SGTA: variants seen among roughly 807,000 people sequenced by gnomAD.
SGTA encodes small glutamine-rich tetratricopeptide repeat-containing protein alpha.
Under a neutral mutation model 44.3 loss-of-function variants are expected in SGTA, and 22 were observed. The ratio of observed to expected loss-of-function variants is 0.50; its 90% CI spans 0.36 to 0.71. The LOEUF (loss-of-function observed/expected upper bound fraction) is 0.71. SGTA is among the 30% of genes least tolerant of loss of function. SGTA has a pLI of 0.00. For synonymous variants in SGTA, 174 were observed against 177.6 expected, an observed-to-expected ratio of 0.98 and a Z score of 0.16; for missense variants, 341 against 435.9, an observed-to-expected ratio of 0.78 and a Z score of 1.94.
chr19:2,755,350 T>G lies in SGTA; in HGVS notation c.*590A>C. The G allele has an allele frequency of 1.0e-6, 1 of 968,800 alleles. No homozygotes were observed. The highest frequency in any genetic ancestry group is 1.2e-6 in the Non-Finnish European group (1 of 812,892). The allele number at this position is 968,800 out of a possible 1,614,324, so 60.0% of individuals were successfully genotyped here. On this transcript the variant is annotated 3_prime_UTR_variant, in exon 12 of 12. Transcript: ENST00000221566. This position sits in a 1 kb window ranked among gnomAD's most constrained non-coding sequence, Gnocchi z 5.2. ...GGACGGCTCCTGAGCCGCGGAGGCG[T>G]GGGGTGACCGCAGCCGTCTCTTAGG...
Position 2,761,411 on chromosome 19 carries a change from T to C in SGTA, c.699+49A>G. ...GTAGCGGACACAGCAGATGCGGGCC[T>C]GGGGGGTGGCGCAGACACCATGGAC... On this transcript the variant is annotated intron_variant, in intron 8 of 11. Transcript: ENST00000221566. The surrounding 1 kb of genome is among the most constrained non-coding windows in gnomAD (Gnocchi z 5.7). The C allele has an allele frequency of 2.0e-6, 3 of 1,481,836 alleles. No homozygotes were observed. Among genetic ancestry groups the C allele is most frequent in the Non-Finnish European group, 2.8e-6 (3 of 1,085,074 alleles). 91.8% of individuals were successfully genotyped at this position (1,481,836 alleles called of 1,614,324 possible).
At chr19:2,760,296 ATCACAAGG>A (rs1187010780) in intron 8 of SGTA, among the ~76,000 whole-genome samples, 5 of 151,880 alleles carry the variant, frequency 3.3e-5, no homozygotes, top group African/African-American at 9.7e-5. Context: ...AGGCGGGTGG[ATCACAAGG>A]TCAGGAGTTC....
intron 1 of SGTA, among the ~76,000 whole-genome samples, chr19:2,771,398 T>TG (rs1396301496): frequency 1.3e-5 from 2 of 151,864 alleles, no homozygotes; most frequent in Non-Finnish European, 2.9e-5. Context: ...CACTCCAGCC[T>TG]GGCAACAGAG....
chr19:2,769,098 G>GTTTTTCC lies in SGTA; in HGVS notation c.-23-8_-23-7insGGAAAAA. 2 of 1,591,140 alleles carry GTTTTTCC rather than the reference G, an allele frequency of 1.3e-6. No individual in the cohort carries two copies. The highest frequency in any genetic ancestry group is 1.7e-6 in the Non-Finnish European group (2 of 1,159,866). On this transcript the variant is annotated splice_polypyrimidine_tract_variant and splice_region_variant and intron_variant, in intron 1 of 11. Coordinates refer to ENST00000221566, the MANE Select transcript of SGTA (RefSeq NM_003021.4). ...AGCCCAGAAGAGGTGATACCTGGGGGTGCAGGAAAAACCCCCATCAGGCCC... is the reference window on the plus strand; with the variant it reads ...AGCCCAGAAGAGGTGATACCTGGGGGTTTTTCCTGCAGGAAAAACCCCCATCAGGCCC...
intron 1 of SGTA, among the ~76,000 whole-genome samples, chr19:2,779,464 G>A (rs1487192218): frequency 1.3e-5 from 2 of 152,212 alleles, no homozygotes; most frequent in African/African-American, 4.8e-5. Flanking sequence ...CAAGCATGAG[G>A]ACGGCATTTT....
intron 1 of SGTA, chr19:2,770,525 G>T: frequency 6.5e-6 from 1 of 152,906 alleles, no homozygotes; most frequent in South Asian, 1.9e-4. Flanking sequence ...TGGCGATGGT[G>T]ACTCTAAACA....
Position 2,761,436 on chromosome 19 carries a change from C to A in SGTA, c.699+24G>T, listed in dbSNP as rs767693690. 164 of 1,548,412 alleles carry A rather than the reference C, an allele frequency of 1.1e-4. No homozygotes were observed. Among genetic ancestry groups the A allele is most frequent in the Non-Finnish European group, 1.3e-4 (144 of 1,144,472 alleles). On this transcript the variant is annotated intron_variant, in intron 8 of 11. Transcript: ENST00000221566. The surrounding 1 kb of genome is among the most constrained non-coding windows in gnomAD (Gnocchi z 5.7). Reference sequence around the variant, plus strand: ...TGGGGGGTGGCGCAGACACCATGGACAGGGAGGAGGGGCGGGCCGTTACCA... The same window carrying A: ...TGGGGGGTGGCGCAGACACCATGGAAAGGGAGGAGGGGCGGGCCGTTACCA...
rs1324976195 is a variant in SGTA at position 2,765,603 on chromosome 19, C to T, written c.293-318G>A. The stretch of plus-strand genomic sequence containing the variant: ...GACCCCGGGAGCAGAACAGTTAATA[C>T]AGCTCACCGGCCCGGGGACGGAAAC... On this transcript the variant is annotated intron_variant, in intron 4 of 11. Transcript: ENST00000221566. The surrounding 1 kb of genome is among the most constrained non-coding windows in gnomAD (Gnocchi z 5.5). Among the ~76,000 whole-genome samples, 1 of 151,936 alleles carries T rather than the reference C, an allele frequency of 6.6e-6. No homozygotes were observed. The highest frequency in any genetic ancestry group is 1.5e-5 in the Non-Finnish European group (1 of 67,954).
Position 2,757,468 on chromosome 19 carries a change from G to T in SGTA, c.828-11C>A, listed in dbSNP as rs774321428. The stretch of plus-strand genomic sequence containing the variant: ...GCAAACTGCTGGCCCCTGCGGGGAA[G>T]GGCACATGGGGCTCAGCCAGGGCCA... On this transcript the variant is annotated splice_polypyrimidine_tract_variant and intron_variant, in intron 10 of 11. Transcript: ENST00000221566. 2 of 1,605,492 alleles carry T rather than the reference G, an allele frequency of 1.2e-6. No individual in the cohort carries two copies. Among genetic ancestry groups the T allele is most frequent in the South Asian group, 2.2e-5 (2 of 90,964 alleles).
In SGTA at chr19:2,763,774, A is replaced by G; in HGVS notation, c.393-17T>C. 6.2e-7 allele frequency: 1 copy of G among 1,608,830 alleles called. No individual in the cohort carries two copies. ...GCTGCGGCTCTGGGGAAGAAAAGGC[A>G]GGGCAGGTCCCTCACTGGCGGCTCT... On this transcript the variant is annotated splice_polypyrimidine_tract_variant and intron_variant, in intron 5 of 11. Coordinates refer to ENST00000221566, the MANE Select transcript of SGTA (RefSeq NM_003021.4). This position sits in a 1 kb window ranked among gnomAD's most constrained non-coding sequence, Gnocchi z 5.8.
At chr19:2,768,862 C>T in intron 2 of SGTA, 107 bp downstream of exon 2, 1 of 831,792 alleles carries the variant, frequency 1.2e-6, no homozygotes. Context: ...GCTTCCACCC[C>T]CAAAAAGCCA....
At chr19:2,758,519 A>AAC (rs1013290877) in intron 9 of SGTA, among the ~76,000 whole-genome samples, 1 of 151,258 alleles carries the variant, frequency 6.6e-6, no homozygotes, top group African/African-American at 2.4e-5. Context: ...TCTGTCTCAA[A>AAC]AAAAAAAAAA....
intron 1 of SGTA, among the ~76,000 whole-genome samples, chr19:2,780,226 T>C (rs1255809232): frequency 6.6e-6 from 1 of 152,072 alleles, no homozygotes; most frequent in Non-Finnish European, 1.5e-5. Context: ...AAGGGCCCGC[T>C]CTTACCCACT....
chr19:2,779,236 G>A (rs1165444980), intron 1 of SGTA, among the ~76,000 whole-genome samples: 2 of 152,130 alleles, frequency 1.3e-5, no homozygotes, highest in Non-Finnish European at 2.9e-5. Context: ...CTGCTTGTAG[G>A]CTATTCTGGG....
At chr19:2,758,269 CT>C (rs2144718903) in intron 9 of SGTA, among the ~76,000 whole-genome samples, 1 of 152,344 alleles carries the variant, frequency 6.6e-6, no homozygotes, top group East Asian at 1.9e-4. Flanking sequence ...TGGCTCACAC[CT>C]GTCATCCCTG....
At position 2,769,059 on chromosome 19, in the gene SGTA, T is replaced by A; in HGVS notation, c.10A>T (p.Lys4Ter). 1 of 1,613,720 alleles carries A rather than the reference T, an allele frequency of 6.2e-7. No individual in the cohort carries two copies. The highest frequency in any genetic ancestry group is 8.5e-7 in the Non-Finnish European group (1 of 1,179,804). The part of the protein sequence containing the change: MDN[K>*]KRLAYAIIQF... The stretch of plus-strand genomic sequence containing the variant: ...ATGATGGCGTAGGCCAGGCGCTTCT[T>A]GTTGTCCATCTTGAGCCCAGAAGAG... Residue 4 changes from lysine to a stop codon, truncating the protein, a stop_gained, in exon 2 of 12, where the codon AAG becomes TAG. Transcript: ENST00000221566. LOFTEE classifies it high-confidence loss of function.
chr19:2,762,657 A>G lies in SGTA; in HGVS notation c.498-13T>C, dbSNP rs1175703743. 1.2e-6 allele frequency: 2 copies of G among 1,613,404 alleles called. No homozygotes were observed. The highest frequency in any genetic ancestry group is 1.7e-6 in the Non-Finnish European group (2 of 1,179,882). On this transcript the variant is annotated splice_polypyrimidine_tract_variant and intron_variant, in intron 6 of 11. Coordinates refer to ENST00000221566, the MANE Select transcript of SGTA (RefSeq NM_003021.4). ...GGAGAGCGCCAGGCTGGAGGAGAGC[A>G]CCGGGGATGGACTGTTCCCATCTGC... is the stretch of plus-strand genomic sequence containing the variant.
intron 1 of SGTA, among the ~76,000 whole-genome samples, chr19:2,782,876 G>A (rs1195467274): frequency 1.3e-5 from 2 of 152,134 alleles, no homozygotes; most frequent in East Asian, 3.9e-4. Context: ...CCCACAAACG[G>A]GGGTCCCTGA....
chr19:2,766,149 G>A (rs112630221), intron 4 of SGTA, among the ~76,000 whole-genome samples: 3,073 of 152,252 alleles, frequency 0.02, 111 homozygotes, highest in African/African-American at 0.071. Flanking sequence ...CAGGGAGTCA[G>A]AGGTTGCAGT....
Sources: allele counts gnomAD v4.1 joint callset (sites outside exome capture counted in the v4.1 genomes callset), GRCh38; gene constraint gnomAD v4.1.1; non-coding constraint Gnocchi (gnomAD v3.1); transcripts MANE v1.5; gene names NCBI Gene and HGNC (gene_info 2026-07-23, HGNC 2026-07-21).